CAMTA1: variants seen among roughly 807,000 people sequenced by gnomAD.
CAMTA1 encodes the protein calmodulin binding transcription activator 1.
Under a neutral mutation model 170.9 loss-of-function variants are expected in CAMTA1, and 27 were observed. The observed-to-expected ratio is 0.16, with a 90% confidence interval of 0.12 to 0.22. The LOEUF (loss-of-function observed/expected upper bound fraction) is 0.22, where lower values mean the gene tolerates loss of function less well. Among genes scored for constraint, CAMTA1 ranks in the 10% least tolerant of loss-of-function variants. CAMTA1 has a pLI of 1.00. For synonymous variants in CAMTA1, 833 were observed against 891.5 expected, an observed-to-expected ratio of 0.93 and a Z score of 1.17; for missense variants, 1,619 against 2,217.2, an observed-to-expected ratio of 0.73 and a Z score of 5.42.
chr1:7,617,377 T>C (rs1334291127), intron 6 of CAMTA1, among the ~76,000 whole-genome samples: 7 of 152,166 alleles, frequency 4.6e-5, no homozygotes, highest in African/African-American at 1.7e-4. Context: ...GTTCATCCAC[T>C]CCTTCGAAAA....
At chr1:7,005,109 G>A (rs552363698) in intron 3 of CAMTA1, among the ~76,000 whole-genome samples, 30 of 152,374 alleles carry the variant, frequency 2.0e-4, no homozygotes, top group Middle Eastern at 3.4e-3. Context: ...TAAACCTACA[G>A]AGAAGCTGCA....
At chr1:7,139,065 TTTGTTTATTTATATTTATTTA>T (rs1171076788) in intron 4 of CAMTA1, among the ~76,000 whole-genome samples, 2 of 129,268 alleles carry the variant, frequency 1.5e-5, no homozygotes, top group African/African-American at 7.1e-5. Flanking sequence ...ATATTTATTA[TTTGTTTATTTATATTTATTTA>T]TTATTTATAT....
chr1:6,812,688 CTG>C (rs1241932079), intron 1 of CAMTA1, among the ~76,000 whole-genome samples: 2 of 152,104 alleles, frequency 1.3e-5, no homozygotes, highest in Non-Finnish European at 2.9e-5. Flanking sequence ...TCTAATGATA[CTG>C]TGATTCATAT....
intron 6 of CAMTA1, among the ~76,000 whole-genome samples, chr1:7,530,702 A>G (rs556122625): frequency 1.3e-5 from 2 of 151,838 alleles, no homozygotes; most frequent in South Asian, 2.1e-4. Context: ...TCACATGTGC[A>G]TTATTATTAT....
chr1:7,006,051 ATGGAGAAGCAGGG>A (rs1448211228), intron 3 of CAMTA1, among the ~76,000 whole-genome samples: 2 of 152,152 alleles, frequency 1.3e-5, no homozygotes, highest in Admixed American at 6.5e-5. Flanking sequence ...ATTTGGAAGG[ATGGAGAAGCAGGG>A]TGGGGTCTGT....
intron 3 of CAMTA1, among the ~76,000 whole-genome samples, chr1:6,968,689 C>T (rs1413063738): frequency 1.3e-5 from 2 of 151,100 alleles, no homozygotes; most frequent in Admixed American, 6.6e-5. Flanking sequence ...GAAATTCTAC[C>T]GGAAATTCTA....
intron 5 of CAMTA1, among the ~76,000 whole-genome samples, chr1:7,464,314 TG>T (rs397863283): frequency 6.6e-6 from 1 of 152,188 alleles, no homozygotes; most frequent in African/African-American, 2.4e-5. Flanking sequence ...AAAGCTCAAC[TG>T]GGGAAACCCC....
At chr1:7,707,345 G>A (rs1276995329) in intron 11 of CAMTA1, among the ~76,000 whole-genome samples, 1 of 152,154 alleles carries the variant, frequency 6.6e-6, no homozygotes, top group East Asian at 1.9e-4. Flanking sequence ...CAAAGTTAAA[G>A]CATTGGTTGA....
intron 22 of CAMTA1, among the ~76,000 whole-genome samples, chr1:7,758,018 C>A (rs1448792534): frequency 6.6e-6 from 1 of 152,056 alleles, no homozygotes; most frequent in African/African-American, 2.4e-5. Context: ...CCTCTATTCC[C>A]TCTCACCCTC....
rs765986001 is a variant in CAMTA1, at chr1:7,640,356, G to T, written c.511-44G>T. ...TTGGGGGCGGCCCTGACCCTGGTGGGCTCCATGCCACCCTCATGCTGCCAG... is the reference window on the plus strand; with the variant it reads ...TTGGGGGCGGCCCTGACCCTGGTGGTCTCCATGCCACCCTCATGCTGCCAG... On this transcript the variant is annotated intron_variant, in intron 6 of 22. Coordinates refer to ENST00000303635, the MANE Select transcript of CAMTA1 (RefSeq NM_015215.4). 5.6e-6 allele frequency: 9 copies of T among 1,608,246 alleles called. No homozygotes were observed. In the South Asian group the frequency reaches 8.8e-5, roughly 16 times the overall value.
chr1:7,635,477 C>CG lies in CAMTA1; in HGVS notation c.511-4920dup, dbSNP rs1285387911. Among the ~76,000 whole-genome samples, 2 of 151,946 alleles carry CG rather than the reference C, an allele frequency of 1.3e-5. No individual in the cohort carries two copies. The highest frequency in any genetic ancestry group is 2.9e-5 in the Non-Finnish European group (2 of 67,974). On this transcript the variant is annotated intron_variant, in intron 6 of 22. Coordinates refer to ENST00000303635, the MANE Select transcript of CAMTA1 (RefSeq NM_015215.4). The surrounding 1 kb of genome is among the most constrained non-coding windows in gnomAD (Gnocchi z 4.4). ...CAAAACAATTAGCGGGGCACTGTGG[C>CG]GGGCGCCTGTACTCCCAGCTACTCC... is the stretch of plus-strand genomic sequence containing the variant.
At chr1:7,620,739 G>A (rs1178373706) in intron 6 of CAMTA1, among the ~76,000 whole-genome samples, 2 of 152,162 alleles carry the variant, frequency 1.3e-5, no homozygotes, top group Non-Finnish European at 2.9e-5. Flanking sequence ...CTGGGACTGA[G>A]TAGAGAAGCT....
At chr1:6,856,287 T>G (rs1307541851) in intron 3 of CAMTA1, among the ~76,000 whole-genome samples, 4 of 151,922 alleles carry the variant, frequency 2.6e-5, no homozygotes, top group Non-Finnish European at 5.9e-5. Context: ...GTTTTTTTTT[T>G]TTTTTCTCTG....
At chr1:7,422,282 C>G (rs1458881210) in intron 5 of CAMTA1, among the ~76,000 whole-genome samples, 1 of 152,068 alleles carries the variant, frequency 6.6e-6, no homozygotes, top group East Asian at 1.9e-4. Context: ...GTGAGTGATG[C>G]AAGAGGCTCA....
At chr1:7,660,653 G>C (rs572327382) in intron 7 of CAMTA1, among the ~76,000 whole-genome samples, 1 of 152,232 alleles carries the variant, frequency 6.6e-6, no homozygotes, top group African/African-American at 2.4e-5. Context: ...TCACAGAACT[G>C]GGGCCAGTGC....
In CAMTA1 at chr1:7,732,829, A is replaced by C. The variant is rs1049667350; in HGVS notation, c.3066+230A>C. Among the ~76,000 whole-genome samples the C allele has an allele frequency of 1.3e-5, 2 of 152,116 alleles. No homozygotes were observed. Among genetic ancestry groups the C allele is most frequent in the Admixed American group, 1.3e-4 (2 of 15,264 alleles). On this transcript the variant is annotated intron_variant, in intron 12 of 22. Coordinates refer to ENST00000303635, the MANE Select transcript of CAMTA1 (RefSeq NM_015215.4). This position sits in a 1 kb window ranked among gnomAD's most constrained non-coding sequence, Gnocchi z 4.1. ...TCAGTTGTTTACCCCCCTAATCCTT[A>C]AGTTATCTCTATTAATCTCAGAATT...
At chr1:7,257,296 T>C (rs17030630) in intron 5 of CAMTA1, among the ~76,000 whole-genome samples, 91,053 of 151,976 alleles carry the variant, frequency 0.6, 27,902 homozygotes, top group African/African-American at 0.66. Context: ...TAGATACTAT[T>C]GTCATCCTCA....
intron 5 of CAMTA1, among the ~76,000 whole-genome samples, chr1:7,411,968 C>T (rs1362071817): frequency 2.2e-4 from 31 of 143,622 alleles, no homozygotes; most frequent in Admixed American, 1.2e-3. Context: ...TCCATGTGTT[C>T]TCATTGTTCA....
intron 6 of CAMTA1, among the ~76,000 whole-genome samples, chr1:7,470,200 A>C (rs1149334): frequency 3.3e-5 from 5 of 152,064 alleles, no homozygotes; most frequent in African/African-American, 1.2e-4. Flanking sequence ...ACACAGGTGT[A>C]GGGGGTTCCT....
Sources: allele counts gnomAD v4.1 joint callset (sites outside exome capture counted in the v4.1 genomes callset), GRCh38; gene constraint gnomAD v4.1.1; non-coding constraint Gnocchi (gnomAD v3.1); transcripts MANE v1.5; gene names NCBI Gene and HGNC (gene_info 2026-07-23, HGNC 2026-07-21).